Variants in IL16 observed in about 807,000 individuals in gnomAD.
The protein encoded by IL16 is interleukin 16.
In IL16, 67 loss-of-function variants were observed where a neutral mutation model predicts 110.1. The observed-to-expected ratio is 0.61, with a 90% CI of 0.50 to 0.75. The LOEUF is 0.75. Among genes scored for constraint, IL16 ranks in the 30% least tolerant of loss-of-function variants. IL16 has a pLI of 0.00. For synonymous variants in IL16, 689 were observed against 662.9 expected, an observed-to-expected ratio of 1.04 and a Z score of -0.61; for missense variants, 1,545 against 1,655.0, an observed-to-expected ratio of 0.93 and a Z score of 1.15.
At chr15:81,281,552 T>C (rs1899180071) in intron 8 of IL16, among the ~76,000 whole-genome samples, 1 of 152,248 alleles carries the variant, frequency 6.6e-6, no homozygotes, top group Non-Finnish European at 1.5e-5. Flanking sequence ...GTCCCAGACA[T>C]CCTGACAGCA....
intron 1 of IL16, among the ~76,000 whole-genome samples, chr15:81,207,409 T>C (rs943684102): frequency 6.6e-6 from 1 of 151,984 alleles, no homozygotes; most frequent in Non-Finnish European, 1.5e-5. Context: ...AAATTTCAAC[T>C]TTATTTTAGA....
chr15:81,230,051 G>A (rs1029632544), intron 2 of IL16, among the ~76,000 whole-genome samples: 2 of 152,170 alleles, frequency 1.3e-5, no homozygotes, highest in Admixed American at 6.5e-5. Context: ...GTGCCAAAGC[G>A]GGGCATGGGC....
At chr15:81,189,589 G>T (rs1425919454) in intron 1 of IL16, among the ~76,000 whole-genome samples, 1 of 152,190 alleles carries the variant, frequency 6.6e-6, no homozygotes, top group Non-Finnish European at 1.5e-5. Flanking sequence ...CCAGTCAAGT[G>T]ATTTAATGTG....
chr15:81,235,631 T>C (rs1375025731), intron 2 of IL16, among the ~76,000 whole-genome samples: 2 of 152,160 alleles, frequency 1.3e-5, no homozygotes, highest in African/African-American at 2.4e-5. Flanking sequence ...ATGCCTCCCA[T>C]TTCTCAATTT....
At chr15:81,249,368 T>C (rs553590560) in intron 2 of IL16, among the ~76,000 whole-genome samples, 2 of 152,284 alleles carry the variant, frequency 1.3e-5, no homozygotes, top group Admixed American at 1.3e-4. Context: ...ATTTTTGGAA[T>C]TTCTTTTAGT....
chr15:81,299,744 A>C lies in IL16; in HGVS notation c.2418A>C (p.Pro806=). 6.2e-7 allele frequency: 1 copy of C among 1,614,194 alleles called. No individual in the cohort carries two copies. Residue 806 remains proline, a synonymous_variant, in exon 14 of 19, where the codon CCA becomes CCC. Coordinates refer to ENST00000683961, the MANE Select transcript of IL16 (RefSeq NM_172217.5). ...GTTTGAGGAATCGTGCTTCAGACCC[A>C]AGAGGGCTCCCTGATCCTGCCTTGT... is the stretch of plus-strand genomic sequence containing the variant. ...LKGLRNRASD[P]RGLPDPALST... is the part of the protein sequence containing the mutation.
intron 1 of IL16, among the ~76,000 whole-genome samples, chr15:81,206,276 T>TG (rs1361569013): frequency 6.6e-6 from 1 of 152,194 alleles, no homozygotes; most frequent in African/African-American, 2.4e-5. Context: ...CAAGGCTATA[T>TG]GGTATTGCCT....
intron 1 of IL16, among the ~76,000 whole-genome samples, chr15:81,208,925 A>AGT (rs949005855): frequency 1.2e-4 from 18 of 152,322 alleles, no homozygotes; most frequent in African/African-American, 4.3e-4. Flanking sequence ...AGTTAAAAAT[A>AGT]GTATATATCT....
chr15:81,194,373 A>C (rs1183698066), upstream of IL16, among the ~76,000 whole-genome samples: 1 of 152,108 alleles, frequency 6.6e-6, no homozygotes, highest in Non-Finnish European at 1.5e-5. Flanking sequence ...TGCCACAACA[A>C]ACATGTATTA....
intron 6 of IL16, among the ~76,000 whole-genome samples, chr15:81,277,029 TA>T (rs35578784): frequency 0.1 from 14,643 of 144,278 alleles, 1,050 homozygotes; most frequent in South Asian, 0.31. Context: ...CCGGAAACAG[TA>T]AAAAAAAAAA....
intron 10 of IL16, 113 bp from the exon 11 acceptor site, chr15:81,290,340 T>C (rs536015649): frequency 1.6e-6 from 1 of 642,438 alleles, no homozygotes; most frequent in Non-Finnish European, 2.7e-6. Context: ...GCAGAGTGGG[T>C]TGAAATAAAA....
intron 1 of IL16, among the ~76,000 whole-genome samples, chr15:81,206,707 T>C (rs943573405): frequency 6.6e-5 from 10 of 152,088 alleles, no homozygotes; most frequent in Admixed American, 6.5e-4. Flanking sequence ...CTACATGAAA[T>C]TAACAATAAC....
At position 81,200,421 on chromosome 15, in the gene IL16, G is replaced by A. The variant is rs141387935; in HGVS notation, c.-102+3269G>A. On this transcript the variant is annotated intron_variant, in intron 1 of 18. Coordinates refer to ENST00000683961, the MANE Select transcript of IL16 (RefSeq NM_172217.5). ...GTCTCACTCTGTTGCCCAGGCTGGA[G>A]TTCAGCAGTGCAATCCCGGCTCACT... Among the ~76,000 whole-genome samples, 1,392 of 152,156 alleles carry A rather than the reference G, an allele frequency of 9.1e-3. 31 individuals are homozygous for A. Among genetic ancestry groups the A allele is most frequent in the African/African-American group, 0.032 (1,323 of 41,504 alleles).
At chr15:81,228,724 AAATATACATATACTAATATAAT>A (rs1377524445) in intron 2 of IL16, among the ~76,000 whole-genome samples, 2 of 152,190 alleles carry the variant, frequency 1.3e-5, no homozygotes, top group African/African-American at 4.8e-5. Context: ...GCATATTATC[AAATATACATATACTAATATAAT>A]AATAGCAATA....
chr15:81,281,757 T>G (rs1023979327), intron 8 of IL16, among the ~76,000 whole-genome samples: 2 of 152,256 alleles, frequency 1.3e-5, no homozygotes, highest in African/African-American at 4.8e-5. Flanking sequence ...TATTTTGATT[T>G]TATTTGTTAA....
intron 13 of IL16, among the ~76,000 whole-genome samples, chr15:81,297,901 A>G (rs1280381839): frequency 6.6e-6 from 1 of 152,220 alleles, no homozygotes; most frequent in Non-Finnish European, 1.5e-5. Context: ...TTTGAGTAAC[A>G]CTACAGAAAA....
At chr15:81,216,929 C>G (rs1896455253) in intron 1 of IL16, among the ~76,000 whole-genome samples, 1 of 152,056 alleles carries the variant, frequency 6.6e-6, no homozygotes, top group South Asian at 2.1e-4. Flanking sequence ...TCTACTTAGG[C>G]TGTAAAGCTA....
At chr15:81,307,017 G>A (rs1490213094) in intron 18 of IL16, among the ~76,000 whole-genome samples, 2 of 152,196 alleles carry the variant, frequency 1.3e-5, no homozygotes, top group African/African-American at 4.8e-5. Context: ...CCTTACCCTA[G>A]TCCTGGACAC....
chr15:81,203,422 CT>C (rs1310669795), intron 1 of IL16, among the ~76,000 whole-genome samples: 3 of 152,020 alleles, frequency 2.0e-5, no homozygotes, highest in Admixed American at 6.5e-5. Context: ...ATGGTATTGC[CT>C]AGGTTTTCTT....
Sources: allele counts gnomAD v4.1 joint callset (sites outside exome capture counted in the v4.1 genomes callset), GRCh38; gene constraint gnomAD v4.1.1; transcripts MANE v1.5; gene names NCBI Gene and HGNC (gene_info 2026-07-23, HGNC 2026-07-21).